The following PLSCR2 variants were observed in gnomAD, a reference collection of about 807,000 sequenced individuals.
PLSCR2 encodes PL scramblase 2.
A neutral mutation model predicts 25.3 loss-of-function variants in PLSCR2; 18 were observed. The observed-to-expected ratio is 0.71, with a 90% CI of 0.49 to 1.06. PLSCR2 has a LOEUF of 1.06. Among genes scored for constraint, PLSCR2 ranks in the 50% least tolerant of loss-of-function variants. The pLI is 0.00. For synonymous variants in PLSCR2, 88 were observed against 87.3 expected, an observed-to-expected ratio of 1.01 and a Z score of -0.04; for missense variants, 243 against 269.5, an observed-to-expected ratio of 0.90 and a Z score of 0.69.
chr3:146,461,645 G>C (rs972075002), upstream of PLSCR2, among the ~76,000 whole-genome samples: 1 of 152,070 alleles, frequency 6.6e-6, no homozygotes, highest in Admixed American at 6.6e-5. Flanking sequence ...ACCGAGAAAT[G>C]CTATAGGAGG....
At chr3:146,417,073 A>G (rs936187969) in intron 2 of PLSCR2, among the ~76,000 whole-genome samples, 2 of 151,650 alleles carry the variant, frequency 1.3e-5, no homozygotes, top group Non-Finnish European at 2.9e-5. Context: ...CTCCAGCACC[A>G]TGATTCTAAC....
chr3:146,454,630 C>T (rs2041092372), intron 4 of PLSCR2, among the ~76,000 whole-genome samples: 1 of 152,158 alleles, frequency 6.6e-6, no homozygotes, highest in African/African-American at 2.4e-5. Context: ...ACCCTACTGT[C>T]TTCTCTGAAA....
At chr3:146,459,806 A>T in intron 2 of PLSCR2, 42 bp downstream of exon 2, 1 of 1,189,228 alleles carries the variant, frequency 8.4e-7, no homozygotes, top group Admixed American at 2.0e-5. Flanking sequence ...CCAGAAAGAG[A>T]GTTTTTTTTT....
At chr3:146,461,464 G>A (rs371894986), upstream of PLSCR2, among the ~76,000 whole-genome samples, 13 of 152,202 alleles carry the variant, frequency 8.5e-5, no homozygotes, top group East Asian at 1.2e-3. Flanking sequence ...CTGTCAATGA[G>A]CTTACAGTTA....
intron 2 of PLSCR2, among the ~76,000 whole-genome samples, chr3:146,399,936 A>G (rs967238288): frequency 6.6e-6 from 1 of 151,776 alleles, no homozygotes; most frequent in Non-Finnish European, 1.5e-5. Flanking sequence ...AATCTCCCCA[A>G]AAACTCTCAT....
chr3:146,429,482 G>A (rs2039466747), downstream of PLSCR2, among the ~76,000 whole-genome samples: 1 of 152,152 alleles, frequency 6.6e-6, no homozygotes, highest in African/African-American at 2.4e-5. Context: ...CCTGGACTTT[G>A]TGGAAGGTTG....
At chr3:146,441,742 T>A, downstream of PLSCR2, 1 of 1,371,422 alleles carries the variant, frequency 7.3e-7, no homozygotes, top group Non-Finnish European at 1.0e-6. Context: ...ACTTCAAATT[T>A]TCTGAGGAGA....
intron 3 of PLSCR2, among the ~76,000 whole-genome samples, chr3:146,392,919 A>G (rs1406627474): frequency 6.7e-6 from 1 of 148,914 alleles, no homozygotes; most frequent in East Asian, 2.0e-4. Context: ...CTTTTCTTCA[A>G]TAATTATAGC....
chr3:146,493,783 G>GTTTTT (rs34986699), intron 1 of PLSCR2, among the ~76,000 whole-genome samples: 50 of 54,784 alleles, frequency 9.1e-4, no homozygotes, highest in Non-Finnish European at 1.2e-3. Context: ...CCAAGGTGGC[G>GTTTTT]TTTTTTTTTT....
At chr3:146,418,214 A>G (rs1433367687) in intron 2 of PLSCR2, among the ~76,000 whole-genome samples, 1 of 152,166 alleles carries the variant, frequency 6.6e-6, no homozygotes, top group African/African-American at 2.4e-5. Context: ...TCTGTCTACA[A>G]TATTTCTTTC....
At chr3:146,406,964 A>C (rs146805877) in intron 2 of PLSCR2, among the ~76,000 whole-genome samples, 3 of 152,146 alleles carry the variant, frequency 2.0e-5, no homozygotes, top group African/African-American at 7.2e-5. Context: ...TTAGCTTGTG[A>C]TATTTCTGCT....
At chr3:146,423,273 C>CTT (rs1157441723) in intron 2 of PLSCR2, among the ~76,000 whole-genome samples, 2 of 139,626 alleles carry the variant, frequency 1.4e-5, no homozygotes, top group African/African-American at 2.9e-5. Context: ...CTCTCTCTCT[C>CTT]TCTCTCTCTC....
At chr3:146,462,813 G>A (rs2041675382), upstream of PLSCR2, among the ~76,000 whole-genome samples, 1 of 152,108 alleles carries the variant, frequency 6.6e-6, no homozygotes, top group Admixed American at 6.5e-5. Context: ...CTAATCAGGA[G>A]GAAAGCCATG....
intron 2 of PLSCR2, among the ~76,000 whole-genome samples, chr3:146,420,764 T>C (rs1289862735): frequency 6.6e-6 from 1 of 152,116 alleles, no homozygotes. Context: ...ATGGATAATT[T>C]ACCTGAATCC....
chr3:146,397,679 G>A (rs941659971), intron 2 of PLSCR2, among the ~76,000 whole-genome samples: 5 of 151,846 alleles, frequency 3.3e-5, no homozygotes, highest in South Asian at 2.1e-4. Flanking sequence ...ACAACGAGTA[G>A]GATTTGCTGT....
At chr3:146,436,166 G>C (rs2039843293) in intron 8 of PLSCR2, among the ~76,000 whole-genome samples, 2 of 152,128 alleles carry the variant, frequency 1.3e-5, no homozygotes, top group African/African-American at 4.8e-5. Context: ...TGCTGTTTTG[G>C]TTACTGTAGC....
exon 1 of PLSCR2, chr3:146,495,924 C>T: frequency 6.5e-7 from 1 of 1,535,474 alleles, no homozygotes; most frequent in Non-Finnish European, 8.7e-7. Context: ...AGGCTTCATT[C>T]TCCATTCGGC....
intron 6 of PLSCR2, among the ~76,000 whole-genome samples, chr3:146,444,063 T>C (rs2040406381): frequency 6.6e-6 from 1 of 152,026 alleles, no homozygotes; most frequent in African/African-American, 2.4e-5. Context: ...TGTGTTTTTA[T>C]AGTTTCCAAA....
Position 146,477,842 on chromosome 3 carries a change from C to T in PLSCR2, c.-292-17558G>A, listed in dbSNP as rs199901082. ...AGACACCTCCCAGTAGGGGCTGACACACACCTGATACAGGCAGGTGCCCCT... is the reference window on the plus strand; with the variant it reads ...AGACACCTCCCAGTAGGGGCTGACATACACCTGATACAGGCAGGTGCCCCT... On this transcript the variant is annotated intron_variant, in intron 1 of 8. Transcript: ENST00000336685. Among the ~76,000 whole-genome samples, 13 of 152,296 alleles carry T rather than the reference C, an allele frequency of 8.5e-5. No individual in the cohort carries two copies. In the East Asian group the frequency reaches 1.2e-3, roughly 14 times the overall value.
Sources: gnomAD v4.1 joint callset for allele counts (sites outside exome capture counted in the v4.1 genomes callset) on GRCh38, gnomAD v4.1.1 for gene constraint, MANE v1.5 for transcripts, NCBI Gene and HGNC (gene_info 2026-07-23, HGNC 2026-07-21) for gene names.